Variants in USP25 observed in about 807,000 individuals in gnomAD.
The protein encoded by USP25 is ubiquitin specific peptidase 25, also known as ubiquitin carboxyl-terminal hydrolase 25.
USP25 carries 85 observed loss-of-function variants against 158.5 expected under a neutral mutation model. The ratio of observed to expected loss-of-function variants is 0.54; its 90% CI spans 0.45 to 0.64. The LOEUF is 0.64. Among genes scored for constraint, USP25 ranks in the 30% least tolerant of loss-of-function variants. The probability of loss-of-function intolerance (pLI) is 0.00; values close to 1 mark genes in which losing one functional copy is unlikely to be tolerated. For synonymous variants in USP25, 464 were observed against 460.4 expected, an observed-to-expected ratio of 1.01 and a Z score of -0.10; for missense variants, 1,242 against 1,327.3, an observed-to-expected ratio of 0.94 and a Z score of 1.00.
At chr21:15,746,828 A>AT (rs1231630111) in intron 1 of USP25, among the ~76,000 whole-genome samples, 1 of 152,174 alleles carries the variant, frequency 6.6e-6, no homozygotes, top group Non-Finnish European at 1.5e-5. Flanking sequence ...ACTTTTATTC[A>AT]TTTTAAAAAT....
At chr21:15,730,976 G>GTTTTTTTTTTTTTTTT (rs748732727) in intron 1 of USP25, among the ~76,000 whole-genome samples, 4 of 53,648 alleles carry the variant, frequency 7.5e-5, no homozygotes, top group Non-Finnish European at 1.0e-4. Flanking sequence ...CTTCTTTTCT[G>GTTTTTTTTTTTTTTTT]TTTTTTTTTT....
Position 15,877,842 on chromosome 21 carries a change from G to A in USP25, c.3056G>A (p.Arg1019Gln), listed in dbSNP as rs1057435019. 2.5e-6 allele frequency: 4 copies of A among 1,612,906 alleles called. No individual in the cohort carries two copies. Among genetic ancestry groups the A allele is most frequent in the Non-Finnish European group, 3.4e-6 (4 of 1,179,444 alleles). ...GAACTCTTCGAATCTGGAGAGGATC[G>A]AGAAGTAAACAATGGTTTGATTATC... ...AAELFESGED[R>Q]EVNNGLIIMN... The change falls in exon 25 of 26, where the codon CGA (arginine) becomes CAA (glutamine). Residue 1019 changes from arginine to glutamine, a missense_variant. By Grantham distance (43) the Arg-to-Gln change is conservative. Transcript: ENST00000400183.
chr21:15,838,519 C>T (rs2404001), intron 17 of USP25, among the ~76,000 whole-genome samples: 55,771 of 151,878 alleles, frequency 0.37, 14,720 homozygotes, highest in African/African-American at 0.75. Context: ...ACCCCTCAGA[C>T]TTTCTTCGGA....
chr21:15,749,999 G>A (rs1481857292), intron 1 of USP25, among the ~76,000 whole-genome samples: 1 of 152,116 alleles, frequency 6.6e-6, no homozygotes, highest in Non-Finnish European at 1.5e-5. Context: ...GGGTCTGGGT[G>A]TTTGGGGAGG....
chr21:15,808,342 G>A (rs2036493274), intron 7 of USP25, among the ~76,000 whole-genome samples: 6 of 151,468 alleles, frequency 4.0e-5, no homozygotes, highest in Admixed American at 3.9e-4. Flanking sequence ...TTAAAAAGTT[G>A]TGTGTGTAAG....
intron 20 of USP25, among the ~76,000 whole-genome samples, chr21:15,858,726 T>A (rs2146528827): frequency 6.6e-6 from 1 of 152,220 alleles, no homozygotes; most frequent in Non-Finnish European, 1.5e-5. Flanking sequence ...CTTTGTCTAG[T>A]TTCTGATTTT....
At chr21:15,839,679 C>T (rs1195598580) in intron 17 of USP25, among the ~76,000 whole-genome samples, 1 of 151,876 alleles carries the variant, frequency 6.6e-6, no homozygotes, top group Admixed American at 6.6e-5. Context: ...AAGACAAAAC[C>T]TCTTTTTTTG....
At chr21:15,764,787 G>A (rs1322411226) in intron 2 of USP25, among the ~76,000 whole-genome samples, 1 of 152,018 alleles carries the variant, frequency 6.6e-6, no homozygotes, top group East Asian at 1.9e-4. Context: ...CTTAGGAATC[G>A]TCTAATGATC....
intron 5 of USP25, among the ~76,000 whole-genome samples, chr21:15,793,828 T>C (rs997938328): frequency 2.6e-5 from 4 of 151,698 alleles, no homozygotes; most frequent in Admixed American, 1.3e-4. Context: ...TATCAAACTA[T>C]TTTAAGTAGC....
rs2087286105 is a variant in USP25, at chr21:15,843,315, C to T, written c.2337+775C>T. On this transcript the variant is annotated intron_variant, in intron 18 of 25. Coordinates refer to ENST00000400183, the MANE Select transcript of USP25 (RefSeq NM_001283041.3). This position sits in a 1 kb window ranked among gnomAD's most constrained non-coding sequence, Gnocchi z 4.0. ...AGTTCCTTTTAATATTTGAAGATTC[C>T]CCTTGACAACTAAAAAGAGTACGAC... 1.3e-5 allele frequency among the ~76,000 whole-genome samples: 2 copies of T among 151,984 alleles called. No individual in the cohort carries two copies. The highest frequency in any genetic ancestry group is 4.1e-4 in the South Asian group (2 of 4,828).
chr21:15,759,825 C>A (rs1209472734), intron 1 of USP25, among the ~76,000 whole-genome samples: 1 of 152,110 alleles, frequency 6.6e-6, no homozygotes, highest in South Asian at 2.1e-4. Context: ...CTTGAAGCTT[C>A]AGATTTTGTT....
intron 18 of USP25, among the ~76,000 whole-genome samples, chr21:15,842,809 T>C (rs1489662811): frequency 1.3e-5 from 2 of 152,210 alleles, no homozygotes; most frequent in African/African-American, 4.8e-5. Flanking sequence ...GACCATTTGA[T>C]CTGGAACTTA....
In USP25 at chr21:15,730,244, C is replaced by T; in HGVS notation, c.-150C>T. 1 of 858,434 alleles carries T rather than the reference C, an allele frequency of 1.2e-6. No homozygotes were observed. The highest frequency in any genetic ancestry group is 1.4e-6 in the Non-Finnish European group (1 of 714,860). 53.2% of individuals were successfully genotyped at this position (858,434 alleles called of 1,614,324 possible). On this transcript the variant is annotated 5_prime_UTR_variant, in exon 1 of 26. Coordinates refer to ENST00000400183, the MANE Select transcript of USP25 (RefSeq NM_001283041.3). ...CGCGGTGCCCGCGCACGCCGGCCGC[C>T]ATCGCCTTCGCGCCTGGCTGGCGGG...
At position 15,874,556 on chromosome 21, in the gene USP25, T is replaced by C. The variant is rs367697804; in HGVS notation, c.3009+30T>C. ...GTTGAATGCATATAGTATGATCTTA[T>C]CATTTTGTCTGACATTGGGCAAGTT... On this transcript the variant is annotated intron_variant, in intron 24 of 25. Transcript: ENST00000400183. The C allele has an allele frequency of 4.4e-4, 683 of 1,553,378 alleles. 7 individuals carry two copies. The South Asian group carries it at 7.7e-3, about 18-fold the overall frequency.
intron 2 of USP25, among the ~76,000 whole-genome samples, chr21:15,764,190 C>G (rs1439688267): frequency 1.3e-5 from 2 of 152,020 alleles, no homozygotes; most frequent in African/African-American, 4.8e-5. Context: ...TTGCTAGTCC[C>G]TTTTTATTCT....
chr21:15,872,061 G>A (rs1601193778), intron 23 of USP25, among the ~76,000 whole-genome samples: 1 of 119,622 alleles, frequency 8.4e-6, no homozygotes, highest in African/African-American at 3.3e-5. Flanking sequence ...TTTAAATATA[G>A]CAGTTATTGT....
At chr21:15,838,613 C>G (rs1205952866) in intron 17 of USP25, among the ~76,000 whole-genome samples, 1 of 152,118 alleles carries the variant, frequency 6.6e-6, no homozygotes, top group African/African-American at 2.4e-5. Flanking sequence ...TAGGCTCTTA[C>G]AGGGTATTGT....
chr21:15,762,748 C>T (rs1355868116), intron 1 of USP25, 143 bp from the exon 2 acceptor site: 1 of 644,558 alleles, frequency 1.6e-6, no homozygotes, highest in Admixed American at 3.1e-5. Context: ...TTTGGCCTTT[C>T]TCAAGTTCTT....
intron 3 of USP25, among the ~76,000 whole-genome samples, chr21:15,776,304 CTT>C (rs999522842): frequency 2.0e-5 from 3 of 151,990 alleles, no homozygotes; most frequent in Non-Finnish European, 2.9e-5. Context: ...ACTTAATACA[CTT>C]TTGTGAGGTT....
Sources: allele counts gnomAD v4.1 joint callset (sites outside exome capture counted in the v4.1 genomes callset), GRCh38; gene constraint gnomAD v4.1.1; non-coding constraint Gnocchi (gnomAD v3.1); transcripts MANE v1.5; gene names NCBI Gene and HGNC (gene_info 2026-07-23, HGNC 2026-07-21).